The following LCOR variants were observed in gnomAD, a reference collection of about 807,000 sequenced individuals.
LCOR encodes ligand dependent nuclear receptor corepressor.
A neutral mutation model predicts 64.4 loss-of-function variants in LCOR; 14 were observed. That is an observed-to-expected ratio of 0.22 (90% CI 0.14 to 0.34). The LOEUF (loss-of-function observed/expected upper bound fraction) is 0.34, where lower values mean the gene tolerates loss of function less well. Ranked by LOEUF, LCOR falls within the 10% of genes least tolerant of loss-of-function variation. The probability of loss-of-function intolerance (pLI) is 1.00; values close to 1 mark genes in which losing one functional copy is unlikely to be tolerated. For synonymous variants in LCOR, 643 were observed against 642.5 expected (o/e 1.00, Z -0.01); for missense variants, 1,686 against 1,765.3 (o/e 0.96, Z 0.80).
chr10:96,885,553 ATTTTTTTTT>A (rs144687202), intron 2 of LCOR, among the ~76,000 whole-genome samples: 1 of 117,786 alleles, frequency 8.5e-6, no homozygotes, highest in Non-Finnish European at 1.7e-5. Flanking sequence ...GGCTAATTGA[ATTTTTTTTT>A]TTTTTTTTTT....
chr10:96,871,416 CT>C (rs1457421356), intron 2 of LCOR, among the ~76,000 whole-genome samples: 1 of 151,002 alleles, frequency 6.6e-6, no homozygotes, highest in African/African-American at 2.4e-5. Flanking sequence ...TAGACCTTTA[CT>C]TTTTTCTTTT....
chr10:96,903,584 C>T (rs1846679808), intron 2 of LCOR, among the ~76,000 whole-genome samples: 1 of 152,128 alleles, frequency 6.6e-6, no homozygotes, highest in Non-Finnish European at 1.5e-5. Context: ...GTTCCCAAGA[C>T]CCAGGAACCG....
chr10:96,868,309 C>A (rs767844749), intron 2 of LCOR, among the ~76,000 whole-genome samples: 14 of 144,428 alleles, frequency 9.7e-5, no homozygotes, highest in African/African-American at 3.7e-4. Context: ...GAGTCTTGCA[C>A]TGTTGTTCAG....
At chr10:96,906,106 G>A (rs57868471) in intron 2 of LCOR, among the ~76,000 whole-genome samples, 10,125 of 152,092 alleles carry the variant, frequency 0.067, 366 homozygotes, top group East Asian at 0.18. Context: ...TTAAATTAAG[G>A]GGTACCTTAT....
intron 2 of LCOR, among the ~76,000 whole-genome samples, chr10:96,855,951 T>A (rs1318451132): frequency 6.7e-6 from 1 of 148,564 alleles, no homozygotes; most frequent in Non-Finnish European, 1.5e-5. Context: ...TCCATGTTGG[T>A]CCGGCTGGTC....
intron 2 of LCOR, among the ~76,000 whole-genome samples, chr10:96,849,059 G>GTTTTTTTT (rs1564601890): frequency 4.6e-5 from 1 of 21,800 alleles, no homozygotes; most frequent in Admixed American, 5.1e-4. Context: ...CTGGCTAATT[G>GTTTTTTTT]TCTTTTTTTT....
intron 4 of LCOR, among the ~76,000 whole-genome samples, chr10:96,937,978 G>T (rs1190898914): frequency 6.6e-6 from 1 of 152,168 alleles, no homozygotes; most frequent in African/African-American, 2.4e-5. Context: ...TCTCGCCCTG[G>T]TCTTGCCCTG....
intron 2 of LCOR, among the ~76,000 whole-genome samples, chr10:96,856,232 G>A (rs12261881): frequency 0.14 from 20,988 of 151,932 alleles, 1,960 homozygotes; most frequent in African/African-American, 0.26. Context: ...CACCACGCCC[G>A]GCTAATTTTT....
chr10:96,886,819 C>G (rs889474276), intron 2 of LCOR, among the ~76,000 whole-genome samples: 1 of 152,164 alleles, frequency 6.6e-6, no homozygotes, highest in Non-Finnish European at 1.5e-5. Context: ...GTCAAAAGTA[C>G]CCATTTATTC....
intron 7 of LCOR, chr10:96,956,400 A>G: frequency 1.0e-6 from 1 of 985,384 alleles, no homozygotes; most frequent in Non-Finnish European, 1.2e-6. Flanking sequence ...TTCATCTACG[A>G]TTCAACTAAT....
At chr10:96,941,285 G>C (rs1443799858) in intron 4 of LCOR, among the ~76,000 whole-genome samples, 1 of 140,934 alleles carries the variant, frequency 7.1e-6, no homozygotes, top group Non-Finnish European at 1.6e-5. Context: ...CCAGGCGGGG[G>C]GCTGATCCCC....
intron 4 of LCOR, among the ~76,000 whole-genome samples, chr10:96,937,510 A>G (rs897458232): frequency 4.6e-5 from 7 of 152,118 alleles, no homozygotes; most frequent in Admixed American, 1.3e-4. Flanking sequence ...ACTGGTATAT[A>G]TATTTTTTCT....
chr10:96,934,164 G>T (rs913251233), intron 4 of LCOR, among the ~76,000 whole-genome samples: 1 of 152,104 alleles, frequency 6.6e-6, no homozygotes, highest in African/African-American at 2.4e-5. Flanking sequence ...CAAATAAGAT[G>T]GTAATAAGCT....
intron 2 of LCOR, among the ~76,000 whole-genome samples, chr10:96,878,817 C>T (rs1456685017): frequency 6.6e-6 from 1 of 152,094 alleles, no homozygotes; most frequent in Non-Finnish European, 1.5e-5. Flanking sequence ...CCTCTTCCGA[C>T]AGTGTCTGGC....
chr10:96,884,946 G>T (rs1589630760), intron 2 of LCOR, among the ~76,000 whole-genome samples: 1 of 152,278 alleles, frequency 6.6e-6, no homozygotes, highest in Non-Finnish European at 1.5e-5. Context: ...TTAGCTTGAT[G>T]TGTGTGTTTG....
rs1848167985 is a variant in LCOR at position 96,988,493 on chromosome 10, A to C, written c.*3359A>C. On this transcript the variant is annotated 3_prime_UTR_variant, in exon 8 of 8. Coordinates refer to ENST00000421806, the MANE Select transcript of LCOR (RefSeq NM_001346516.2). ...TGTGGTGCTTTCTAATGGGATCTCT[A>C]TGCATCACATACTATGCAGGTGAAT... is the stretch of plus-strand genomic sequence containing the variant. The C allele has an allele frequency of 6.6e-6, 1 of 152,210 alleles. No homozygotes were observed. The allele number at this position is 152,210 out of a possible 1,614,324, so 9.4% of individuals were successfully genotyped here. A position where few individuals can be genotyped will look rare whatever the true frequency, so the allele number is the denominator to read the frequency against.
At chr10:96,944,958 G>A (rs911797813) in intron 5 of LCOR, among the ~76,000 whole-genome samples, 2 of 152,098 alleles carry the variant, frequency 1.3e-5, no homozygotes, top group Admixed American at 6.5e-5. Context: ...ATTACCATCA[G>A]CCAGAACCTT....
intron 7 of LCOR, 126 bp from the exon 8 acceptor site, chr10:96,980,667 C>T (rs944609629): frequency 3.4e-5 from 20 of 581,598 alleles, no homozygotes; most frequent in Admixed American, 2.8e-4. Context: ...GCCAACATAG[C>T]GAGACCCTGT....
rs368669401 is a variant in LCOR, at chr10:96,983,721, T to C, written c.3261T>C (p.Asp1087=). ...SESGDPLDED[D]VDTVVDEQPK... is the part of the protein sequence containing the mutation. ...GTGGAGACCCCCTAGATGAGGACGATGTTGACACCGTGGTAGATGAACAGC... is the reference window on the plus strand; with the variant it reads ...GTGGAGACCCCCTAGATGAGGACGACGTTGACACCGTGGTAGATGAACAGC... Residue 1087 remains aspartate, a synonymous_variant, in exon 8 of 8, where the codon GAT becomes GAC. Coordinates refer to ENST00000421806, the MANE Select transcript of LCOR (RefSeq NM_001346516.2). This position sits in a 1 kb window ranked among gnomAD's most constrained non-coding sequence, Gnocchi z 4.5. 4 of 1,614,034 alleles carry C rather than the reference T, an allele frequency of 2.5e-6. No homozygotes were observed. The African/African-American group carries it at 4.0e-5, about 16-fold the overall frequency.
Sources: gnomAD v4.1 joint callset for allele counts (sites outside exome capture counted in the v4.1 genomes callset) on GRCh38, gnomAD v4.1.1 for gene constraint, Gnocchi (gnomAD v3.1) non-coding constraint, MANE v1.5 for transcripts, NCBI Gene and HGNC (gene_info 2026-07-23, HGNC 2026-07-21) for gene names.